TCERG1L: variants seen among roughly 807,000 people sequenced by gnomAD.
TCERG1L encodes transcription elongation regulator 1-like protein.
A neutral mutation model predicts 56.3 loss-of-function variants in TCERG1L; 37 were observed. The ratio of observed to expected loss-of-function variants is 0.66; its 90% CI spans 0.51 to 0.87. The LOEUF is 0.87. Ranked by LOEUF, TCERG1L falls within the 40% of genes least tolerant of loss-of-function variation. TCERG1L has a pLI of 0.00. For missense variants in TCERG1L, 799 were observed against 774.2 expected (o/e 1.03, Z -0.38); for synonymous variants, 324 against 326.3 (o/e 0.99, Z 0.08).
At chr10:131,221,370 T>C (rs141484763) in intron 4 of TCERG1L, among the ~76,000 whole-genome samples, 81 of 152,122 alleles carry the variant, frequency 5.3e-4, no homozygotes, top group Non-Finnish European at 1.0e-3. Flanking sequence ...TCTACAGAAA[T>C]CTCCAAAAAA....
rs1846721002 is a variant in TCERG1L at position 131,298,383 on chromosome 10, A to G, written c.670+9828T>C. On this transcript the variant is annotated intron_variant, in intron 3 of 11. Coordinates refer to ENST00000368642, the MANE Select transcript of TCERG1L (RefSeq NM_174937.4). The stretch of plus-strand genomic sequence containing the variant: ...CGGATATCCTTGTTACTGATTTCTA[A>G]CTTAATTTTGTTGTGGTCGGAAAAT... Among the ~76,000 whole-genome samples, 3 of 152,080 alleles carry G rather than the reference A, an allele frequency of 2.0e-5. No individual in the cohort carries two copies. The South Asian group carries it at 6.2e-4, about 32-fold the overall frequency.
intron 8 of TCERG1L, among the ~76,000 whole-genome samples, chr10:131,124,563 G>A (rs193246564): frequency 6.6e-4 from 101 of 152,290 alleles, no homozygotes; most frequent in African/African-American, 2.2e-3. Flanking sequence ...AGTGTGCTAC[G>A]GTTTTGATAT....
At chr10:131,222,611 C>T (rs1000558480) in intron 4 of TCERG1L, among the ~76,000 whole-genome samples, 1 of 152,206 alleles carries the variant, frequency 6.6e-6, no homozygotes, top group African/African-American at 2.4e-5. Context: ...ACCAAGGCTC[C>T]CTGAACTGGC....
chr10:131,309,045 C>T, intron 2 of TCERG1L, 108 bp downstream of exon 2: 1 of 1,318,612 alleles, frequency 7.6e-7, no homozygotes, highest in South Asian at 1.5e-5. Context: ...ACCTAGATGG[C>T]CAATTTATGG....
rs1215223225 is a variant in TCERG1L at position 131,267,868 on chromosome 10, G to A, written c.671-7424C>T. Reference sequence around the variant, plus strand: ...GCCTTGCCAGGCCCGTGCCAGAGTCGAGGGCAAGGGTGATGTTGCCACAAG... The same window carrying A: ...GCCTTGCCAGGCCCGTGCCAGAGTCAAGGGCAAGGGTGATGTTGCCACAAG... On this transcript the variant is annotated intron_variant, in intron 3 of 11. Coordinates refer to ENST00000368642, the MANE Select transcript of TCERG1L (RefSeq NM_174937.4). The surrounding 1 kb of genome is among the most constrained non-coding windows in gnomAD (Gnocchi z 4.9). Among the ~76,000 whole-genome samples, 4 of 152,310 alleles carry A rather than the reference G, an allele frequency of 2.6e-5. No homozygotes were observed. In the South Asian group the frequency reaches 6.2e-4, roughly 24 times the overall value.
chr10:131,262,243 C>A (rs1347489916), intron 3 of TCERG1L, among the ~76,000 whole-genome samples: 1 of 152,150 alleles, frequency 6.6e-6, no homozygotes, highest in African/African-American at 2.4e-5. Flanking sequence ...TGGGAACAGA[C>A]GCGCAGGGGA....
At chr10:131,148,441 G>A (rs905537540) in intron 6 of TCERG1L, among the ~76,000 whole-genome samples, 13 of 151,046 alleles carry the variant, frequency 8.6e-5, no homozygotes, top group Non-Finnish European at 1.8e-4. Flanking sequence ...CACACATGCA[G>A]AGATACACAC....
rs1014779101 is a variant in TCERG1L, at chr10:131,309,007, A to G, written c.489+146T>C. On this transcript the variant is annotated intron_variant, in intron 2 of 11. Transcript: ENST00000368642. ...CCAGCTGATATTTTTGAACAAATCA[A>G]TCTAATCCTGAAATGATTTATTTCT... 1.3e-5 allele frequency: 12 copies of G among 937,242 alleles called. No individual in the cohort carries two copies. In the African/African-American group the frequency reaches 1.9e-4, roughly 15 times the overall value. The allele number at this position is 937,242 out of a possible 1,614,324, so 58.1% of individuals were successfully genotyped here.
intron 4 of TCERG1L, among the ~76,000 whole-genome samples, chr10:131,188,307 G>A (rs912890046): frequency 2.6e-5 from 4 of 152,142 alleles, no homozygotes; most frequent in Non-Finnish European, 5.9e-5. Flanking sequence ...CAGTAAAAAC[G>A]GGCACGCGCT....
chr10:131,265,548 C>G (rs1846276463), intron 3 of TCERG1L, among the ~76,000 whole-genome samples: 1 of 152,290 alleles, frequency 6.6e-6, no homozygotes. Flanking sequence ...TGAGTACCAG[C>G]AAACCTCAGA....
chr10:131,206,113 G>A (rs1845522515), intron 4 of TCERG1L, among the ~76,000 whole-genome samples: 1 of 152,262 alleles, frequency 6.6e-6, no homozygotes, highest in Non-Finnish European at 1.5e-5. Flanking sequence ...GGGAGAACTG[G>A]CTGGTGGCTC....
rs753758027 is a variant in TCERG1L, at chr10:131,260,378, G to A, written c.737C>T (p.Ala246Val). 2.7e-6 allele frequency: 4 copies of A among 1,487,710 alleles called. No individual in the cohort carries two copies. The South Asian group carries it at 4.3e-5, about 16-fold the overall frequency. 92.2% of individuals were successfully genotyped at this position (1,487,710 alleles called of 1,614,324 possible). A position where few individuals can be genotyped will look rare whatever the true frequency, so the allele number is the denominator to read the frequency against. ...CTCAGGGTCCACGGAGACCATGGCA[G>A]CGGCGGCGGCGGTGGCGATGGCAAT... ...PAIAIATAAA[A>V]AMVSVDPENL... is the part of the protein sequence containing the mutation. The change falls in exon 4 of 12, where the codon GCT becomes GTT. Residue 246 changes from alanine (A) to valine (V), a missense_variant. Coordinates refer to ENST00000368642, the MANE Select transcript of TCERG1L (RefSeq NM_174937.4). The surrounding 1 kb of genome is among the most constrained non-coding windows in gnomAD (Gnocchi z 5.8).
At chr10:131,147,715 T>C (rs1845814087) in intron 6 of TCERG1L, among the ~76,000 whole-genome samples, 1 of 152,052 alleles carries the variant, frequency 6.6e-6, no homozygotes, top group Non-Finnish European at 1.5e-5. Flanking sequence ...AGTGAATGGG[T>C]GGGAACACCC....
intron 4 of TCERG1L, among the ~76,000 whole-genome samples, chr10:131,245,110 T>C (rs1445643259): frequency 6.6e-6 from 1 of 152,122 alleles, no homozygotes; most frequent in Non-Finnish European, 1.5e-5. Flanking sequence ...CGGCCACAGA[T>C]CTTGGCTGAT....
At chr10:131,251,581 G>A (rs1846112541) in intron 4 of TCERG1L, among the ~76,000 whole-genome samples, 1 of 152,124 alleles carries the variant, frequency 6.6e-6, no homozygotes, top group African/African-American at 2.4e-5. Context: ...TCCGGTCGCT[G>A]GAAAGGCCAT....
intron 3 of TCERG1L, among the ~76,000 whole-genome samples, chr10:131,288,963 T>A (rs1373696183): frequency 6.6e-6 from 1 of 152,214 alleles, no homozygotes; most frequent in African/African-American, 2.4e-5. Context: ...AGCCACACCA[T>A]TTGTGGAATG....
chr10:131,263,783 T>C (rs555215625), intron 3 of TCERG1L, among the ~76,000 whole-genome samples: 37 of 152,346 alleles, frequency 2.4e-4, no homozygotes, highest in African/African-American at 8.7e-4. Context: ...TAGAAAGCCC[T>C]ACACAAATTT....
At chr10:131,123,053 C>A (rs754452537) in intron 8 of TCERG1L, among the ~76,000 whole-genome samples, 1 of 152,214 alleles carries the variant, frequency 6.6e-6, no homozygotes, top group Admixed American at 6.5e-5. Flanking sequence ...ATAGAACCCA[C>A]CGGCCCCACA....
chr10:131,094,994 T>C (rs1009778837), intron 11 of TCERG1L, among the ~76,000 whole-genome samples: 3 of 152,218 alleles, frequency 2.0e-5, no homozygotes, highest in Non-Finnish European at 2.9e-5. Flanking sequence ...CCCTTAGCCA[T>C]GCCAAGGGGC....
Sources: gnomAD v4.1 joint callset for allele counts (sites outside exome capture counted in the v4.1 genomes callset) on GRCh38, gnomAD v4.1.1 for gene constraint, Gnocchi (gnomAD v3.1) non-coding constraint, MANE v1.5 for transcripts, NCBI Gene and HGNC (gene_info 2026-07-23, HGNC 2026-07-21) for gene names.